The following DOCK9 variants were observed in gnomAD, a reference collection of about 807,000 sequenced individuals.
DOCK9 encodes the protein dedicator of cytokinesis protein 9.
DOCK9 carries 89 observed loss-of-function variants against 263.3 expected under a neutral mutation model. The observed-to-expected ratio is 0.34, with a 90% confidence interval of 0.28 to 0.40. DOCK9 has a LOEUF of 0.40. Among genes scored for constraint, DOCK9 ranks in the 10% least tolerant of loss-of-function variants. The pLI is 1.00. For synonymous variants in DOCK9, 976 were observed against 973.1 expected (o/e 1.00, Z -0.06); for missense variants, 2,140 against 2,603.4 (o/e 0.82, Z 3.87).
At chr13:98,836,159 C>T (rs569613535) in intron 39 of DOCK9, among the ~76,000 whole-genome samples, 1 of 152,228 alleles carries the variant, frequency 6.6e-6, no homozygotes, top group Admixed American at 6.5e-5. Context: ...ACTTGTGCCC[C>T]GTGTGCCTGT....
chr13:98,945,610 C>T (rs2056601964), intron 2 of DOCK9, among the ~76,000 whole-genome samples: 1 of 152,246 alleles, frequency 6.6e-6, no homozygotes, highest in African/African-American at 2.4e-5. Context: ...GCCACCATCA[C>T]AGCCATCCAT....
chr13:99,038,749 C>T (rs1445347621), intron 1 of DOCK9, among the ~76,000 whole-genome samples: 2 of 152,212 alleles, frequency 1.3e-5, no homozygotes, highest in Non-Finnish European at 2.9e-5. Flanking sequence ...CATTTACACT[C>T]AGCCTGTGCA....
chr13:99,012,223 A>G (rs547266503), intron 1 of DOCK9, among the ~76,000 whole-genome samples: 1 of 152,192 alleles, frequency 6.6e-6, no homozygotes, highest in South Asian at 2.1e-4. Flanking sequence ...TTTCTTAAGT[A>G]TGTTTCTTAT....
chr13:99,001,620 C>T (rs539016356), intron 1 of DOCK9, among the ~76,000 whole-genome samples: 1 of 152,332 alleles, frequency 6.6e-6, no homozygotes, highest in African/African-American at 2.4e-5. Flanking sequence ...TTAGCTCTCA[C>T]AGTCAAAACA....
At chr13:98,908,294 T>C (rs1387315211) in intron 9 of DOCK9, among the ~76,000 whole-genome samples, 1 of 152,244 alleles carries the variant, frequency 6.6e-6, no homozygotes, top group Non-Finnish European at 1.5e-5. Context: ...TGAATTGTTA[T>C]AGCCTTTTGG....
chr13:98,838,028 T>C (rs2093071558), intron 38 of DOCK9, among the ~76,000 whole-genome samples: 1 of 152,136 alleles, frequency 6.6e-6, no homozygotes, highest in African/African-American at 2.4e-5. Flanking sequence ...TAGTAAACAG[T>C]GGAGACAGGA....
rs1329787059 is a variant in DOCK9, at chr13:98,922,101, C to T, written c.532G>A (p.Gly178Ser). 1.2e-6 allele frequency: 2 copies of T among 1,602,450 alleles called. No homozygotes were observed. Among genetic ancestry groups the T allele is most frequent in the South Asian group, 1.1e-5 (1 of 87,988 alleles). The change falls in exon 6 of 53, where the codon GGC becomes AGC. Residue 178 changes from glycine to serine, a missense_variant. By Grantham distance (56) the Gly-to-Ser change is moderately conservative. Coordinates refer to ENST00000682017, the MANE Select transcript of DOCK9 (RefSeq NM_001366683.2). ...TTCATGTTGCCTTTGTACAGCCAGC[C>T]ATGCTTGGTGATCCCACCCTTCTGG... ...GSQKGGITKH[G>S]WLYKGNMNSA...
chr13:98,949,458 TC>T (rs2057139236), intron 2 of DOCK9, among the ~76,000 whole-genome samples: 1 of 151,898 alleles, frequency 6.6e-6, no homozygotes, highest in Admixed American at 6.6e-5. Flanking sequence ...TAAGCAGAAC[TC>T]CCTCCTCCAT....
chr13:98,931,123 T>C (rs1352951760), intron 2 of DOCK9, among the ~76,000 whole-genome samples: 1 of 152,200 alleles, frequency 6.6e-6, no homozygotes, highest in Non-Finnish European at 1.5e-5. Flanking sequence ...AATTGCTAAA[T>C]GAATCTATGA....
At chr13:98,977,526 GAAC>G in intron 1 of DOCK9, among the ~76,000 whole-genome samples, 1 of 152,166 alleles carries the variant, frequency 6.6e-6, no homozygotes, top group East Asian at 1.9e-4. Context: ...ACATAATTGT[GAAC>G]AATACATAAT....
chr13:99,041,470 A>G (rs7326326), intron 1 of DOCK9, among the ~76,000 whole-genome samples: 33,515 of 148,334 alleles, frequency 0.23, 3,728 homozygotes, highest in Middle Eastern at 0.31. Context: ...GAAACAAAGT[A>G]AGACTGTCTC....
chr13:98,805,440 CTTT>C (rs796165009), intron 48 of DOCK9, among the ~76,000 whole-genome samples: 1 of 150,252 alleles, frequency 6.7e-6, no homozygotes, highest in African/African-American at 2.4e-5. Context: ...GACATACAGA[CTTT>C]TTTTTTTCCA....
At chr13:98,803,515 G>T (rs1362674121) in intron 49 of DOCK9, among the ~76,000 whole-genome samples, 3 of 152,242 alleles carry the variant, frequency 2.0e-5, no homozygotes, top group African/African-American at 7.2e-5. Flanking sequence ...AGTTTCGGAG[G>T]TGGGGACCTG....
At chr13:98,905,778 TA>T (rs60175188) in intron 9 of DOCK9, among the ~76,000 whole-genome samples, 25,845 of 148,300 alleles carry the variant, frequency 0.17, 2,303 homozygotes, top group Middle Eastern at 0.29. Context: ...TGCTTTCACT[TA>T]AAAAAAAAAA....
chr13:98,925,380 TA>T (rs11369571), intron 4 of DOCK9, among the ~76,000 whole-genome samples: 7 of 150,918 alleles, frequency 4.6e-5, no homozygotes, highest in Admixed American at 1.3e-4. Flanking sequence ...TTAAAGGAGA[TA>T]AAAAAAAAAT....
chr13:98,977,705 G>C, intron 1 of DOCK9, 79 bp downstream of exon 1: 2 of 1,134,150 alleles, frequency 1.8e-6, no homozygotes, highest in Non-Finnish European at 2.5e-6. Flanking sequence ...ACAGGCAACA[G>C]GCGTCAACCC....
At chr13:99,051,413 G>A (rs1595988861) in intron 1 of DOCK9, among the ~76,000 whole-genome samples, 2 of 152,024 alleles carry the variant, frequency 1.3e-5, no homozygotes, top group East Asian at 3.9e-4. Flanking sequence ...CGAGGGCTTG[G>A]GGCCGAGTCC....
intron 38 of DOCK9, among the ~76,000 whole-genome samples, chr13:98,840,833 C>T (rs1242096991): frequency 1.3e-5 from 2 of 152,186 alleles, no homozygotes; most frequent in East Asian, 3.8e-4. Context: ...CTTTTTTCCC[C>T]TCTAGCCCAT....
chr13:98,899,499 C>T (rs914262173), intron 13 of DOCK9, among the ~76,000 whole-genome samples: 2 of 152,130 alleles, frequency 1.3e-5, no homozygotes, highest in African/African-American at 4.8e-5. Flanking sequence ...GAAAATACAT[C>T]CTAATTGGAA....
Sources: gnomAD v4.1 joint callset for allele counts (sites outside exome capture counted in the v4.1 genomes callset) on GRCh38, gnomAD v4.1.1 for gene constraint, MANE v1.5 for transcripts, NCBI Gene and HGNC (gene_info 2026-07-23, HGNC 2026-07-21) for gene names.